The following ST6GALNAC3 variants were observed in gnomAD, a reference collection of about 807,000 sequenced individuals.
ST6GALNAC3 encodes ST6 N-acetylgalactosaminide alpha-2,6-sialyltransferase 3.
A neutral mutation model predicts 32.7 loss-of-function variants in ST6GALNAC3; 25 were observed. The ratio of observed to expected loss-of-function variants is 0.76; its 90% CI spans 0.56 to 1.07. The LOEUF (loss-of-function observed/expected upper bound fraction) is 1.07, where lower values mean the gene tolerates loss of function less well. Ranked by LOEUF, ST6GALNAC3 falls within the 50% of genes least tolerant of loss-of-function variation. ST6GALNAC3 has a pLI of 0.00. For synonymous variants in ST6GALNAC3, 129 were observed against 133.1 expected (o/e 0.97, Z 0.21); for missense variants, 355 against 382.4 (o/e 0.93, Z 0.60).
intron 1 of ST6GALNAC3, among the ~76,000 whole-genome samples, chr1:76,203,731 A>G (rs1654665474): frequency 6.6e-6 from 1 of 152,214 alleles, no homozygotes; most frequent in Non-Finnish European, 1.5e-5. Context: ...TTCACTATGT[A>G]TTCTACTATA....
At chr1:76,574,375 G>T (rs912581206) in intron 3 of ST6GALNAC3, among the ~76,000 whole-genome samples, 5 of 151,922 alleles carry the variant, frequency 3.3e-5, no homozygotes, top group Non-Finnish European at 5.9e-5. Context: ...AATCTATTAG[G>T]ACCGTAGAAT....
In ST6GALNAC3 at chr1:76,127,486, C is replaced by T. The variant is rs376693155; in HGVS notation, c.18+52602C>T. On this transcript the variant is annotated intron_variant, in intron 1 of 4. Coordinates refer to ENST00000328299, the MANE Select transcript of ST6GALNAC3 (RefSeq NM_152996.4). ...AAAGTGAAGGTTCTGTCTTTATTTA[C>T]AATAAATTTCATGTGTTAAATGGAC... Among the ~76,000 whole-genome samples the T allele has an allele frequency of 1.9e-3, 284 of 152,186 alleles. 3 individuals carry two copies. The highest frequency in any genetic ancestry group is 6.6e-3 in the African/African-American group (273 of 41,530).
chr1:76,539,551 A>G (rs1296615933), intron 3 of ST6GALNAC3, among the ~76,000 whole-genome samples: 1 of 152,214 alleles, frequency 6.6e-6, no homozygotes, highest in East Asian at 1.9e-4. Context: ...CTGCACAGCA[A>G]AAGAAACTAT....
At chr1:76,281,577 G>A (rs1659499245) in intron 1 of ST6GALNAC3, among the ~76,000 whole-genome samples, 1 of 152,216 alleles carries the variant, frequency 6.6e-6, no homozygotes, top group Non-Finnish European at 1.5e-5. Flanking sequence ...ACTGGGAAGA[G>A]TGTCGGAAAA....
intron 1 of ST6GALNAC3, among the ~76,000 whole-genome samples, chr1:76,188,350 A>C (rs1653695582): frequency 6.6e-6 from 1 of 152,184 alleles, no homozygotes; most frequent in African/African-American, 2.4e-5. Context: ...TGACAGAGCA[A>C]GACTCCATCT....
At chr1:76,504,303 CTCTTA>C (rs1661345618) in intron 3 of ST6GALNAC3, among the ~76,000 whole-genome samples, 1 of 152,148 alleles carries the variant, frequency 6.6e-6, no homozygotes, top group Non-Finnish European at 1.5e-5. Flanking sequence ...GTTTCTTCTT[CTCTTA>C]TAAGAACTTG....
intron 1 of ST6GALNAC3, among the ~76,000 whole-genome samples, chr1:76,181,124 C>T (rs1431754805): frequency 6.6e-6 from 1 of 152,230 alleles, no homozygotes; most frequent in Non-Finnish European, 1.5e-5. Flanking sequence ...TCTGCATGCT[C>T]CCACTCCTGT....
chr1:76,454,260 C>T (rs1033694253), intron 3 of ST6GALNAC3, among the ~76,000 whole-genome samples: 5 of 152,124 alleles, frequency 3.3e-5, no homozygotes, highest in African/African-American at 7.2e-5. Context: ...TTATGTGGAA[C>T]ATTTAGGCCA....
intron 3 of ST6GALNAC3, among the ~76,000 whole-genome samples, chr1:76,582,953 C>CTT (rs1646912277): frequency 6.6e-6 from 1 of 152,110 alleles, no homozygotes; most frequent in African/African-American, 2.4e-5. Context: ...TTTAATACTG[C>CTT]CCCTGCAGAC....
chr1:76,550,910 A>G (rs1375444585), intron 3 of ST6GALNAC3, among the ~76,000 whole-genome samples: 1 of 151,912 alleles, frequency 6.6e-6, no homozygotes, highest in Admixed American at 6.6e-5. Flanking sequence ...ACCTGCCACC[A>G]CACCCAGCTA....
chr1:76,337,344 C>A (rs572524781), intron 2 of ST6GALNAC3, among the ~76,000 whole-genome samples: 11 of 152,316 alleles, frequency 7.2e-5, no homozygotes, highest in African/African-American at 1.9e-4. Flanking sequence ...TGCGAGCTAG[C>A]AAACCGCGGA....
At chr1:76,474,741 A>G (rs934001898) in intron 3 of ST6GALNAC3, among the ~76,000 whole-genome samples, 1 of 152,110 alleles carries the variant, frequency 6.6e-6, no homozygotes, top group Non-Finnish European at 1.5e-5. Context: ...TTGAGTAGGA[A>G]AGGTAGAGAT....
At chr1:76,565,754 T>C (rs1665517310) in intron 3 of ST6GALNAC3, among the ~76,000 whole-genome samples, 1 of 152,192 alleles carries the variant, frequency 6.6e-6, no homozygotes. Flanking sequence ...TATTCAATGA[T>C]GTTTATCACT....
intron 1 of ST6GALNAC3, among the ~76,000 whole-genome samples, chr1:76,203,298 G>A (rs1020115295): frequency 1.3e-5 from 2 of 152,146 alleles, no homozygotes; most frequent in South Asian, 2.1e-4. Context: ...CCTCCTCACC[G>A]GGTGATTCCA....
At chr1:76,424,286 G>T (rs1655225303) in intron 3 of ST6GALNAC3, among the ~76,000 whole-genome samples, 1 of 151,862 alleles carries the variant, frequency 6.6e-6, no homozygotes, top group Non-Finnish European at 1.5e-5. Flanking sequence ...AATTGGGAGA[G>T]AAGACCCTTC....
intron 3 of ST6GALNAC3, among the ~76,000 whole-genome samples, chr1:76,625,382 G>A (rs1173431312): frequency 6.6e-6 from 1 of 151,680 alleles, no homozygotes; most frequent in Non-Finnish European, 1.5e-5. Flanking sequence ...AACAAATGCC[G>A]TAACTTTTAG....
chr1:76,169,174 G>T (rs187961032), intron 1 of ST6GALNAC3, among the ~76,000 whole-genome samples: 14 of 152,240 alleles, frequency 9.2e-5, no homozygotes, highest in Middle Eastern at 3.4e-3. Flanking sequence ...GCATTTGCTT[G>T]TTTGTAAAAG....
At chr1:76,411,893 A>G in intron 2 of ST6GALNAC3, 115 bp from the exon 3 acceptor site, 2 of 1,155,370 alleles carry the variant, frequency 1.7e-6, no homozygotes, top group Admixed American at 2.7e-5. Context: ...TAGGTACTTC[A>G]GAGATATTTC....
At chr1:76,289,869 A>C (rs1055231363) in intron 1 of ST6GALNAC3, among the ~76,000 whole-genome samples, 1 of 152,158 alleles carries the variant, frequency 6.6e-6, no homozygotes, top group Non-Finnish European at 1.5e-5. Flanking sequence ...AGGGTTCTTG[A>C]AGCTAGTCAT....
Sources: gnomAD v4.1 joint callset for allele counts (sites outside exome capture counted in the v4.1 genomes callset) on GRCh38, gnomAD v4.1.1 for gene constraint, MANE v1.5 for transcripts, NCBI Gene and HGNC (gene_info 2026-07-23, HGNC 2026-07-21) for gene names.